The following RSPH14 variants were observed in gnomAD, a reference collection of about 807,000 sequenced individuals.
RSPH14 encodes the protein radial spoke head 14 homolog.
RSPH14 carries 20 observed loss-of-function variants against 26.7 expected under a neutral mutation model. The observed-to-expected ratio is 0.75, with a 90% CI of 0.53 to 1.09. The LOEUF (loss-of-function observed/expected upper bound fraction) is 1.09, where lower values mean the gene tolerates loss of function less well. Among genes scored for constraint, RSPH14 ranks in the 50% least tolerant of loss-of-function variants. The probability of loss-of-function intolerance (pLI) is 0.00; values close to 1 mark genes in which losing one functional copy is unlikely to be tolerated. For synonymous variants in RSPH14, 177 were observed against 189.3 expected, an observed-to-expected ratio of 0.93 and a Z score of 0.53; for missense variants, 449 against 457.2, an observed-to-expected ratio of 0.98 and a Z score of 0.16.
chr22:23,112,950 G>A lies in RSPH14; in HGVS notation c.421+21076C>T, dbSNP rs76435983. 5.8e-3 allele frequency among the ~76,000 whole-genome samples: 888 copies of A among 152,330 alleles called. 10 individuals carry two copies. The highest frequency in any genetic ancestry group is 0.02 in the African/African-American group (852 of 41,564). ...TGGAATACCAGCCAAGAGACCAGGA[G>A]CAGGGAGCGTTCTGATAGGAACATC... On this transcript the variant is annotated intron_variant, in intron 4 of 6. Coordinates refer to ENST00000216036, the MANE Select transcript of RSPH14 (RefSeq NM_014433.3).
intron 4 of RSPH14, among the ~76,000 whole-genome samples, chr22:23,068,293 A>G (rs1450558010): frequency 6.6e-6 from 1 of 152,186 alleles, no homozygotes; most frequent in African/African-American, 2.4e-5. Context: ...CCAATGCCCA[A>G]TGCTCCCCCA....
At chr22:23,145,048 G>A, upstream of RSPH14, 1 of 409,014 alleles carries the variant, frequency 2.4e-6, no homozygotes, top group Non-Finnish European at 4.5e-6. Flanking sequence ...GCAGACTAAG[G>A]TCAGTAGATG....
chr22:23,146,097 C>G, upstream of RSPH14: 5 of 887,310 alleles, frequency 5.6e-6, no homozygotes, highest in Non-Finnish European at 6.8e-6. Context: ...CTTCTGACTC[C>G]CAGGCAGGGT....
chr22:23,082,218 T>C (rs192657640), intron 4 of RSPH14, among the ~76,000 whole-genome samples: 42 of 152,016 alleles, frequency 2.8e-4, no homozygotes, highest in African/African-American at 9.9e-4. Flanking sequence ...TTTTTTGTTT[T>C]TGTTTGTTTG....
chr22:23,180,488 CG>C, the RSPH14 span: 1 of 167,146 alleles, frequency 6.0e-6, no homozygotes, highest in Non-Finnish European at 1.3e-5. Flanking sequence ...CACCTCCCCC[CG>C]GCCCTCCCCT....
chr22:23,059,842 G>T, intron 6 of RSPH14, 124 bp from the exon 7 acceptor site: 1 of 1,086,268 alleles, frequency 9.2e-7, no homozygotes, highest in Non-Finnish European at 1.2e-6. Context: ...CCTGGTTTAT[G>T]CCCCACCAAC....
the RSPH14 span, chr22:23,153,080 T>C: frequency 6.2e-7 from 1 of 1,613,884 alleles, no homozygotes; most frequent in Non-Finnish European, 8.5e-7. Context: ...ACCATTGGGG[T>C]GGACTTTGAA....
At chr22:23,123,556 G>C in intron 4 of RSPH14, 1 of 628,874 alleles carries the variant, frequency 1.6e-6, no homozygotes, top group Admixed American at 2.9e-5. Context: ...CCCACCCCTT[G>C]GCCTCTGCCT....
the RSPH14 span, among the ~76,000 whole-genome samples, chr22:23,157,794 G>A: frequency 1.3e-5 from 2 of 152,186 alleles, no homozygotes; most frequent in Non-Finnish European, 2.9e-5. Context: ...CTGGGCTGCC[G>A]GGTGCAGGCT....
intron 4 of RSPH14, among the ~76,000 whole-genome samples, chr22:23,100,591 T>C (rs1216415803): frequency 1.3e-5 from 2 of 152,202 alleles, no homozygotes; most frequent in Admixed American, 1.3e-4. Context: ...ATTGGCTTCC[T>C]GAGGAACCCC....
At chr22:23,093,508 A>G (rs973919872) in intron 4 of RSPH14, among the ~76,000 whole-genome samples, 6 of 152,200 alleles carry the variant, frequency 3.9e-5, no homozygotes, top group Admixed American at 2.6e-4. Flanking sequence ...TAGGTCACAC[A>G]TTAGCTGAGG....
upstream of RSPH14, among the ~76,000 whole-genome samples, chr22:23,143,058 G>A (rs2070627899): frequency 6.6e-6 from 1 of 152,168 alleles, no homozygotes; most frequent in South Asian, 2.1e-4. Context: ...TGAAGTATGG[G>A]CCATCCCAAA....
upstream of RSPH14, among the ~76,000 whole-genome samples, chr22:23,149,322 A>G (rs554701100): frequency 4.6e-5 from 7 of 152,276 alleles, no homozygotes; most frequent in African/African-American, 1.7e-4. Flanking sequence ...GCAAAAAATA[A>G]TGGTCATCTT....
At chr22:23,094,971 G>C (rs1268102372) in intron 4 of RSPH14, among the ~76,000 whole-genome samples, 3 of 152,242 alleles carry the variant, frequency 2.0e-5, no homozygotes, top group African/African-American at 7.2e-5. Flanking sequence ...AGTGAGTCCA[G>C]CATGGGGGCT....
At chr22:23,157,315 A>G in the RSPH14 span, among the ~76,000 whole-genome samples, 1 of 151,400 alleles carries the variant, frequency 6.6e-6, no homozygotes, top group Admixed American at 6.6e-5. Context: ...CAGTGGCGCA[A>G]TCTCGGCTCA....
chr22:23,104,013 CGG>C (rs1332437305), intron 4 of RSPH14, among the ~76,000 whole-genome samples: 2 of 152,024 alleles, frequency 1.3e-5, no homozygotes, highest in South Asian at 4.2e-4. Context: ...GCAGGAGAGA[CGG>C]GGGCCTAGAC....
intron 4 of RSPH14, among the ~76,000 whole-genome samples, chr22:23,116,894 G>C (rs1271599880): frequency 6.6e-6 from 1 of 152,202 alleles, no homozygotes; most frequent in African/African-American, 2.4e-5. Context: ...ACCTGGGAGG[G>C]GGACAGGCCC....
chr22:23,140,169 C>T lies in RSPH14; in HGVS notation c.199+53G>A, dbSNP rs1002956857. ...TTATTACTGAAGTTCTACCCAGTGCCTGAAGCCATGCTAGGACCCCAGTCA... is the reference window on the plus strand; with the variant it reads ...TTATTACTGAAGTTCTACCCAGTGCTTGAAGCCATGCTAGGACCCCAGTCA... On this transcript the variant is annotated intron_variant, in intron 2 of 6. Coordinates refer to ENST00000216036, the MANE Select transcript of RSPH14 (RefSeq NM_014433.3). 30 of 1,603,902 alleles carry T rather than the reference C, an allele frequency of 1.9e-5. No individual in the cohort carries two copies. The African/African-American group carries it at 3.3e-4, about 18-fold the overall frequency.
chr22:23,120,309 C>T (rs918387274), intron 4 of RSPH14, among the ~76,000 whole-genome samples: 3 of 152,004 alleles, frequency 2.0e-5, no homozygotes, highest in Non-Finnish European at 2.9e-5. Context: ...GGGCCACAGT[C>T]AGGAGTGTTT....
Sources: allele counts gnomAD v4.1 joint callset (sites outside exome capture counted in the v4.1 genomes callset), GRCh38; gene constraint gnomAD v4.1.1; transcripts MANE v1.5; gene names NCBI Gene and HGNC (gene_info 2026-07-23, HGNC 2026-07-21).